NSD1: variants seen among roughly 807,000 people sequenced by gnomAD.
The protein encoded by NSD1 is nuclear receptor binding SET domain protein 1, also known as histone-lysine N-methyltransferase, H3 lysine-36 specific.
NSD1 carries 26 observed loss-of-function variants against 242.7 expected under a neutral mutation model. That is an observed-to-expected ratio of 0.11 (90% CI 0.08 to 0.15). The LOEUF is 0.15. Ranked by LOEUF, NSD1 falls within the 10% of genes least tolerant of loss-of-function variation. The pLI is 1.00. For missense variants in NSD1, 2,495 were observed against 3,272.8 expected, an observed-to-expected ratio of 0.76 and a Z score of 5.80; for synonymous variants, 1,106 against 1,178.1, an observed-to-expected ratio of 0.94 and a Z score of 1.25.
At position 177,254,362 on chromosome 5, in the gene NSD1, G is replaced by A. The variant is rs531802086; in HGVS notation, c.4765+2509G>A. Among the ~76,000 whole-genome samples the A allele has an allele frequency of 1.2e-3, 178 of 152,202 alleles. No individual in the cohort carries two copies. In the Middle Eastern group the frequency reaches 0.027, roughly 23 times the overall value. On this transcript the variant is annotated intron_variant, in intron 12 of 22. Coordinates refer to ENST00000439151, the MANE Select transcript of NSD1 (RefSeq NM_022455.5). ...TGTGATTTGCTGTCATAGCTAAGAA[G>A]TTTTGCTTAACCCAGTGTCACAAAG...
intron 14 of NSD1, among the ~76,000 whole-genome samples, chr5:177,260,913 T>C (rs1013116413): frequency 6.6e-6 from 1 of 152,140 alleles, no homozygotes; most frequent in Non-Finnish European, 1.5e-5. Context: ...GTAATTGTGT[T>C]TTGTTAACAA....
chr5:177,194,234 A>AT (rs1257403076), intron 3 of NSD1, among the ~76,000 whole-genome samples: 1 of 151,516 alleles, frequency 6.6e-6, no homozygotes, highest in African/African-American at 2.4e-5. Flanking sequence ...CTTTGTGGAG[A>AT]TTTTTTTCAT....
chr5:177,255,100 T>TCC (rs1756325055), intron 12 of NSD1, among the ~76,000 whole-genome samples: 2 of 152,020 alleles, frequency 1.3e-5, no homozygotes, highest in Non-Finnish European at 2.9e-5. Context: ...AGGTCAGAAG[T>TCC]TTGAGACCAG....
In NSD1 at chr5:177,134,141, C is replaced by T. The variant is rs1756092196; in HGVS notation, c.-18+189C>T. On this transcript the variant is annotated intron_variant, in intron 1 of 22. Transcript: ENST00000439151. This position sits in a 1 kb window ranked among gnomAD's most constrained non-coding sequence, Gnocchi z 4.2. ...CCCCCTCCCCCTCCTCCATCACTAC[C>T]AGCCGGGCTCAGGCCTAGCTGGCCG... is the stretch of plus-strand genomic sequence containing the variant. The T allele has an allele frequency of 6.6e-6, 1 of 151,476 alleles. No homozygotes were observed. Among genetic ancestry groups the T allele is most frequent in the African/African-American group, 2.4e-5 (1 of 41,260 alleles). The allele number at this position is 151,476 out of a possible 1,614,324, so 9.4% of individuals were successfully genotyped here. A position where few individuals can be genotyped will look rare whatever the true frequency, so the allele number is the denominator to read the frequency against.
At chr5:177,241,329 T>C (rs1285513646) in intron 8 of NSD1, among the ~76,000 whole-genome samples, 1 of 149,894 alleles carries the variant, frequency 6.7e-6, no homozygotes, top group Non-Finnish European at 1.5e-5. Context: ...AAACCCCGTC[T>C]CTACTAATAA....
intron 5 of NSD1, among the ~76,000 whole-genome samples, chr5:177,225,647 C>G (rs1228003242): frequency 6.6e-6 from 1 of 152,104 alleles, no homozygotes; most frequent in Non-Finnish European, 1.5e-5. Context: ...TGGAAATAAT[C>G]CATTCCTGTG....
intron 5 of NSD1, among the ~76,000 whole-genome samples, chr5:177,226,312 T>C (rs886881692): frequency 6.6e-6 from 1 of 152,114 alleles, no homozygotes; most frequent in Admixed American, 6.6e-5. Flanking sequence ...TGGGATTACA[T>C]GCGTGAGCCA....
At chr5:177,287,285 A>G (rs941923980) in intron 20 of NSD1, among the ~76,000 whole-genome samples, 1 of 152,258 alleles carries the variant, frequency 6.6e-6, no homozygotes, top group Non-Finnish European at 1.5e-5. Flanking sequence ...GTACAGTTGT[A>G]TTATAAGCAC....
intron 5 of NSD1, among the ~76,000 whole-genome samples, chr5:177,225,911 A>G (rs768780714): frequency 3.2e-4 from 49 of 152,226 alleles, no homozygotes; most frequent in Non-Finnish European, 6.3e-4. Flanking sequence ...ATGAATTACC[A>G]AGAAAAAGGT....
chr5:177,265,014 T>G (rs2149925833), intron 14 of NSD1: 1 of 785,756 alleles, frequency 1.3e-6, no homozygotes, highest in African/African-American at 1.7e-5. Flanking sequence ...GGCAAGATTC[T>G]TGCCAAGAGA....
chr5:177,251,661 A>G (rs1755979564), intron 11 of NSD1, 69 bp from the exon 12 acceptor site: 9 of 1,543,846 alleles, frequency 5.8e-6, no homozygotes, highest in Non-Finnish European at 7.2e-6. Flanking sequence ...ACTTTAACCC[A>G]CTGACACTGG....
rs773104044 is a variant in NSD1 at position 177,280,606 on chromosome 5, C to T, written c.5664C>T (p.Asp1888=). The change falls in exon 18 of 23, where the codon GAC becomes GAT. Residue 1888 remains aspartate (D), a synonymous_variant. Transcript: ENST00000439151. ...GCAGGGTACAGATCTTCACTGCAGA[C>T]TTATCTGAAATACCCCGTTGCAACT... is the stretch of plus-strand genomic sequence containing the variant. ...PIGRVQIFTA[D]LSEIPRCNCK... is the part of the protein sequence containing the mutation. 2 of 1,614,216 alleles carry T rather than the reference C, an allele frequency of 1.2e-6. No individual in the cohort carries two copies. Among genetic ancestry groups the T allele is most frequent in the South Asian group, 1.1e-5 (1 of 91,088 alleles).
chr5:177,214,257 G>A (rs1215792213), intron 5 of NSD1, among the ~76,000 whole-genome samples: 3 of 152,166 alleles, frequency 2.0e-5, no homozygotes, highest in African/African-American at 7.2e-5. Flanking sequence ...ACTTGAACCC[G>A]GGAGGTGGAG....
chr5:177,278,718 A>G (rs1037008811), intron 17 of NSD1, among the ~76,000 whole-genome samples: 1 of 152,240 alleles, frequency 6.6e-6, no homozygotes, highest in African/African-American at 2.4e-5. Flanking sequence ...TTATTCTTAC[A>G]ATAGTCTTGC....
In NSD1 at chr5:177,269,839, C is replaced by T; in HGVS notation, c.5509+32C>T. 1.3e-6 allele frequency: 2 copies of T among 1,567,802 alleles called. No homozygotes were observed. Among genetic ancestry groups the T allele is most frequent in the Non-Finnish European group, 1.7e-6 (2 of 1,144,142 alleles). ...TTATCCTTTTTGTTTCTCAGGCAAA[C>T]ACAGACCTCTGTTACCTGAGTGTCT... On this transcript the variant is annotated intron_variant, in intron 16 of 22. Transcript: ENST00000439151. This position sits in a 1 kb window ranked among gnomAD's most constrained non-coding sequence, Gnocchi z 5.1.
rs1283382440 is a variant in NSD1 at position 177,134,571 on chromosome 5, G to A, written c.-17-516G>A. ...CAGCCGCCTCGGCCGGCTCGCCTGC[G>A]GCCTGCGCACCGCCGCTGCAAAGGC... On this transcript the variant is annotated intron_variant, in intron 1 of 22. Coordinates refer to ENST00000439151, the MANE Select transcript of NSD1 (RefSeq NM_022455.5). This position sits in a 1 kb window ranked among gnomAD's most constrained non-coding sequence, Gnocchi z 4.2. 6.6e-6 allele frequency among the ~76,000 whole-genome samples: 1 copy of A among 152,164 alleles called. No individual in the cohort carries two copies. The highest frequency in any genetic ancestry group is 1.5e-5 in the Non-Finnish European group (1 of 68,022).
chr5:177,165,057 A>G (rs1759076489), intron 2 of NSD1, among the ~76,000 whole-genome samples: 1 of 152,170 alleles, frequency 6.6e-6, no homozygotes, highest in Non-Finnish European at 1.5e-5. Flanking sequence ...ACTTGAACTC[A>G]GAAGTTTGAG....
chr5:177,259,973 G>C lies in NSD1; in HGVS notation c.4967-16G>C. On this transcript the variant is annotated splice_polypyrimidine_tract_variant and intron_variant, in intron 13 of 22. Transcript: ENST00000439151. Reference sequence around the variant, plus strand: ...TTTTGTTTTTCTTTTGCTTGTCCCTGATTTTCCTGCTTTAGGTCGGTTGAT... The same window carrying C: ...TTTTGTTTTTCTTTTGCTTGTCCCTCATTTTCCTGCTTTAGGTCGGTTGAT... 5.6e-6 allele frequency: 9 copies of C among 1,614,044 alleles called. No individual in the cohort carries two copies. Among genetic ancestry groups the C allele is most frequent in the Non-Finnish European group, 7.6e-6 (9 of 1,180,018 alleles).
At chr5:177,265,386 A>G in intron 14 of NSD1, 1 of 601,040 alleles carries the variant, frequency 1.7e-6, no homozygotes. Context: ...ATTTATTGGC[A>G]TAAATGCAGC....
Sources: allele counts gnomAD v4.1 joint callset (sites outside exome capture counted in the v4.1 genomes callset), GRCh38; gene constraint gnomAD v4.1.1; non-coding constraint Gnocchi (gnomAD v3.1); transcripts MANE v1.5; gene names NCBI Gene and HGNC (gene_info 2026-07-23, HGNC 2026-07-21).